Variants in USP24 observed in about 807,000 individuals in gnomAD.
USP24 encodes the protein ubiquitin carboxyl-terminal hydrolase 24.
In USP24, 97 loss-of-function variants were observed where a neutral mutation model predicts 361.6. The observed-to-expected ratio is 0.27, with a 90% CI of 0.23 to 0.32. The LOEUF is 0.32. Ranked by LOEUF, USP24 falls within the 10% of genes least tolerant of loss-of-function variation. The pLI is 1.00. For missense variants in USP24, 2,353 were observed against 3,165.6 expected, an observed-to-expected ratio of 0.74 and a Z score of 6.16; for synonymous variants, 1,098 against 1,124.6, an observed-to-expected ratio of 0.98 and a Z score of 0.47.
intron 3 of USP24, 141 bp from the exon 4 acceptor site, chr1:55,172,661 T>C: frequency 1.2e-6 from 1 of 854,206 alleles, no homozygotes; most frequent in Non-Finnish European, 1.7e-6. Flanking sequence ...AAAAGACCCA[T>C]AGCTGTAGTT....
chr1:55,145,848 A>G, intron 20 of USP24, 150 bp downstream of exon 20: 1 of 578,662 alleles, frequency 1.7e-6, no homozygotes, highest in Non-Finnish European at 3.0e-6. Flanking sequence ...GAATTTGAGT[A>G]CTAAATATGT....
rs1183512433 is a variant in USP24, at chr1:55,138,837, G to C, written c.2817+107C>G. 2.3e-6 allele frequency: 3 copies of C among 1,305,268 alleles called. No homozygotes were observed. The East Asian group carries it at 7.3e-5, about 32-fold the overall frequency. The allele number at this position is 1,305,268 out of a possible 1,614,324, so 80.9% of individuals were successfully genotyped here. A position where few individuals can be genotyped will look rare whatever the true frequency, so the allele number is the denominator to read the frequency against. On this transcript the variant is annotated intron_variant, in intron 25 of 67. Coordinates refer to ENST00000294383, the MANE Select transcript of USP24 (RefSeq NM_015306.3). ...TTTTTAAGAAAAGAGAGGCTAACTGGGTGTGGTGGTGTGTGCTAAACTCCC... is the reference window on the plus strand; with the variant it reads ...TTTTTAAGAAAAGAGAGGCTAACTGCGTGTGGTGGTGTGTGCTAAACTCCC...
chr1:55,118,001 A>T (rs1223985645), intron 38 of USP24, among the ~76,000 whole-genome samples: 1 of 152,220 alleles, frequency 6.6e-6, no homozygotes, highest in Non-Finnish European at 1.5e-5. Context: ...CATAATAAAA[A>T]GACATCTTGT....
chr1:55,180,741 A>G (rs1180286964), intron 1 of USP24, among the ~76,000 whole-genome samples: 2 of 152,134 alleles, frequency 1.3e-5, no homozygotes, highest in Non-Finnish European at 2.9e-5. Flanking sequence ...TACCCTTACC[A>G]TCCTCAACCT....
In USP24 at chr1:55,110,248, TA is replaced by T; in HGVS notation, c.4509-3del. On this transcript the variant is annotated splice_polypyrimidine_tract_variant and splice_region_variant and intron_variant, in intron 38 of 67. Coordinates refer to ENST00000294383, the MANE Select transcript of USP24 (RefSeq NM_015306.3). The stretch of plus-strand genomic sequence containing the variant: ...TACTCCATACACTGAGATAACAGTC[TA>T]AAAAACAGAAAGGTTTCAGTTACTA... The T allele has an allele frequency of 6.5e-7, 1 of 1,530,078 alleles. No homozygotes were observed. Among genetic ancestry groups the T allele is most frequent in the Non-Finnish European group, 8.8e-7 (1 of 1,137,468 alleles). The allele number at this position is 1,530,078 out of a possible 1,614,324, so 94.8% of individuals were successfully genotyped here. A position where few individuals can be genotyped will look rare whatever the true frequency, so the allele number is the denominator to read the frequency against.
chr1:55,153,909 T>C lies in USP24; in HGVS notation c.1821A>G (p.Glu607=), dbSNP rs1473097954. 9 of 1,550,980 alleles carry C rather than the reference T, an allele frequency of 5.8e-6. No individual in the cohort carries two copies. In the East Asian group the frequency reaches 1.2e-4, roughly 21 times the overall value. ...KCIEDIKRPG[E]WSGLEKNKKD... The stretch of plus-strand genomic sequence containing the variant: ...TCTTGTTTTTTTCCAAACCTGACCA[T>C]TCTCCAGGCTGAAAATTCATTTTAA... Residue 607 remains glutamate, a synonymous_variant, in exon 16 of 68, where the codon GAA becomes GAG. Coordinates refer to ENST00000294383, the MANE Select transcript of USP24 (RefSeq NM_015306.3).
chr1:55,144,364 T>A (rs1646973121), intron 20 of USP24, among the ~76,000 whole-genome samples, 161 bp from the exon 21 acceptor site: 1 of 152,026 alleles, frequency 6.6e-6, no homozygotes, highest in African/African-American at 2.4e-5. Flanking sequence ...TATTAGTAAA[T>A]CAGATATAAT....
intron 51 of USP24, 114 bp downstream of exon 51, chr1:55,095,141 T>G (rs1645467475): frequency 8.0e-7 from 1 of 1,248,556 alleles, no homozygotes; most frequent in Non-Finnish European, 1.0e-6. Flanking sequence ...GAATTCTTTT[T>G]AGAATTTCTC....
chr1:55,097,919 T>G (rs1391046655), intron 47 of USP24, 24 bp downstream of exon 47: 2 of 1,574,494 alleles, frequency 1.3e-6, no homozygotes, highest in African/African-American at 2.8e-5. Flanking sequence ...TAATCTTGTT[T>G]TTTAAAAAGG....
In USP24 at chr1:55,069,015, C is replaced by T; in HGVS notation, c.*30G>A. 6.2e-7 allele frequency: 1 copy of T among 1,612,826 alleles called. No homozygotes were observed. The highest frequency in any genetic ancestry group is 8.5e-7 in the Non-Finnish European group (1 of 1,178,858). ...AGGTGCTGAGCATCCAGTATTGTGTCTTGACTCCTCTCAGGCTGGGCATGT... is the reference window on the plus strand; with the variant it reads ...AGGTGCTGAGCATCCAGTATTGTGTTTTGACTCCTCTCAGGCTGGGCATGT... On this transcript the variant is annotated 3_prime_UTR_variant, in exon 68 of 68. Transcript: ENST00000294383.
chr1:55,068,925 T>G lies in USP24; in HGVS notation c.*120A>C. On this transcript the variant is annotated 3_prime_UTR_variant, in exon 68 of 68. Transcript: ENST00000294383. Reference sequence around the variant, plus strand: ...TTGAGAAATACACGATCCGCCCAAGTCACAGCAGCTTTCCCAGTCCAATCT... The same window carrying G: ...TTGAGAAATACACGATCCGCCCAAGGCACAGCAGCTTTCCCAGTCCAATCT... The G allele has an allele frequency of 9.2e-7, 1 of 1,084,680 alleles. No homozygotes were observed. Among genetic ancestry groups the G allele is most frequent in the Non-Finnish European group, 1.4e-6 (1 of 724,550 alleles). 67.2% of individuals were successfully genotyped at this position (1,084,680 alleles called of 1,614,324 possible).
intron 36 of USP24, among the ~76,000 whole-genome samples, chr1:55,122,515 A>G (rs1459008854): frequency 6.6e-6 from 1 of 152,160 alleles, no homozygotes; most frequent in Non-Finnish European, 1.5e-5. Context: ...AAAATTTAGA[A>G]GGTCCACCCT....
Position 55,083,824 on chromosome 1 carries a change from T to A in USP24, c.6830A>T (p.Asn2277Ile). 1 of 1,605,908 alleles carries A rather than the reference T, an allele frequency of 6.2e-7. No homozygotes were observed. The highest frequency in any genetic ancestry group is 8.5e-7 in the Non-Finnish European group (1 of 1,175,922). ...AAAGTACTGAGCACAGTTTTTACAA[T>A]TTTCTGGGACGTCTTTGTCCAACAG... The part of the protein sequence containing the change: ...LALLDKDVPE[N>I]CKNCAQYFFL... Residue 2277 changes from asparagine to isoleucine, a missense_variant, in exon 57 of 68, where the codon AAT becomes ATT. By Grantham distance (149) the Asn-to-Ile change is moderately radical. Coordinates refer to ENST00000294383, the MANE Select transcript of USP24 (RefSeq NM_015306.3).
intron 5 of USP24, among the ~76,000 whole-genome samples, chr1:55,171,052 T>TA (rs957717216): frequency 6.6e-6 from 1 of 152,228 alleles, no homozygotes; most frequent in African/African-American, 2.4e-5. Context: ...ACTAAAGGAC[T>TA]GTTTAGATTA....
At chr1:55,208,953 C>CA (rs921972126) in intron 1 of USP24, among the ~76,000 whole-genome samples, 8 of 151,442 alleles carry the variant, frequency 5.3e-5, no homozygotes, top group South Asian at 4.2e-4. Flanking sequence ...CAAAACAAAA[C>CA]AAAAAAAACC....
intron 51 of USP24, 102 bp from the exon 52 acceptor site, chr1:55,094,189 G>A: frequency 8.6e-7 from 1 of 1,168,310 alleles, no homozygotes; most frequent in Non-Finnish European, 1.2e-6. Context: ...TAGACTATTT[G>A]ATTATTATAC....
intron 31 of USP24, 27 bp downstream of exon 31, chr1:55,132,518 G>T: frequency 6.3e-7 from 1 of 1,591,964 alleles, no homozygotes; most frequent in Non-Finnish European, 8.6e-7. Context: ...CTGTCAAAAT[G>T]AAATGGAAAG....
intron 31 of USP24, among the ~76,000 whole-genome samples, chr1:55,130,946 C>T (rs2100643341): frequency 6.6e-6 from 1 of 152,262 alleles, no homozygotes; most frequent in South Asian, 2.1e-4. Flanking sequence ...GAATTCACAC[C>T]TACTCAGAAG....
chr1:55,073,680 C>A (rs1644965037), intron 64 of USP24, 148 bp downstream of exon 64: 1 of 706,010 alleles, frequency 1.4e-6, no homozygotes, highest in South Asian at 1.7e-5. Flanking sequence ...TGAGATCATG[C>A]AAATAGGTTT....
Sources: gnomAD v4.1 joint callset for allele counts (sites outside exome capture counted in the v4.1 genomes callset) on GRCh38, gnomAD v4.1.1 for gene constraint, MANE v1.5 for transcripts, NCBI Gene and HGNC (gene_info 2026-07-23, HGNC 2026-07-21) for gene names.